Variants in ARMC9 observed in about 807,000 individuals in gnomAD.
The protein encoded by ARMC9 is lisH domain-containing protein ARMC9.
ARMC9 carries 94 observed loss-of-function variants against 107.0 expected under a neutral mutation model. The observed-to-expected ratio is 0.88, with a 90% CI of 0.74 to 1.04. The LOEUF (loss-of-function observed/expected upper bound fraction) is 1.04, where lower values mean the gene tolerates loss of function less well. ARMC9 is among the 50% of genes least tolerant of loss of function. The pLI, the probability that ARMC9 is intolerant of heterozygous loss-of-function variation, is 0.00. For missense variants in ARMC9, 942 were observed against 1,030.1 expected (o/e 0.91, Z 1.17); for synonymous variants, 380 against 396.9 (o/e 0.96, Z 0.51).
At chr2:231,227,696 A>G (rs1292676803) in intron 7 of ARMC9, among the ~76,000 whole-genome samples, 2 of 152,370 alleles carry the variant, frequency 1.3e-5, no homozygotes, top group South Asian at 2.1e-4. Context: ...GAGTTGGCAG[A>G]TAAGCAATGG....
At chr2:231,216,841 G>C (rs1420335796) in intron 5 of ARMC9, 48 bp downstream of exon 5, 15 of 1,565,624 alleles carry the variant, frequency 9.6e-6, no homozygotes, top group Non-Finnish European at 1.3e-5. Context: ...GTGACATTGT[G>C]GTTTTACCTT....
At chr2:231,361,583 G>T (rs2045588119) in intron 23 of ARMC9, among the ~76,000 whole-genome samples, 1 of 151,770 alleles carries the variant, frequency 6.6e-6, no homozygotes, top group Admixed American at 6.6e-5. Context: ...GGGTTCTTTA[G>T]GGTCTAGAAA....
At position 231,331,857 on chromosome 2, in the gene ARMC9, A is replaced by C; in HGVS notation, c.1838A>C (p.Glu613Ala). The change falls in exon 20 of 25, where the codon GAA (glutamate) becomes GCA (alanine). Residue 613 changes from glutamate to alanine, a missense_variant. Transcript: ENST00000611582. ...GAACTGATCCAGCCCCAGCTCGGAGAACTCTCAGGAGAGAAGCTTCTGACC... is the reference window on the plus strand; with the variant it reads ...GAACTGATCCAGCCCCAGCTCGGAGCACTCTCAGGAGAGAAGCTTCTGACC... ...KDELIQPQLGELSGEKLLTTE... is the reference protein window; with the variant it reads ...KDELIQPQLGALSGEKLLTTE... The C allele has an allele frequency of 6.2e-7, 1 of 1,613,990 alleles. No individual in the cohort carries two copies. The highest frequency in any genetic ancestry group is 8.5e-7 in the Non-Finnish European group (1 of 1,179,904).
At chr2:231,289,846 C>T (rs1348735509) in intron 17 of ARMC9, among the ~76,000 whole-genome samples, 1 of 152,206 alleles carries the variant, frequency 6.6e-6, no homozygotes, top group Non-Finnish European at 1.5e-5. Flanking sequence ...TCTATCCTAA[C>T]CCTCTGCTCT....
At position 231,240,049 on chromosome 2, in the gene ARMC9, T is replaced by C. The variant is rs1228977010; in HGVS notation, c.879+8T>C. 4 of 1,610,344 alleles carry C rather than the reference T, an allele frequency of 2.5e-6. No homozygotes were observed. In the South Asian group the frequency reaches 4.4e-5, roughly 18 times the overall value. ...TTCACGAGGCCTGGGACGGTGAGGC[T>C]CTGCGCTCAGGGCAGGGTGCCCGTG... On this transcript the variant is annotated splice_region_variant and intron_variant, in intron 9 of 24. Coordinates refer to ENST00000611582, the MANE Select transcript of ARMC9 (RefSeq NM_001352754.2).
At chr2:231,315,698 T>C (rs2042630779) in intron 19 of ARMC9, among the ~76,000 whole-genome samples, 2 of 151,084 alleles carry the variant, frequency 1.3e-5, no homozygotes, top group Non-Finnish European at 2.9e-5. Flanking sequence ...TCTTCAACTT[T>C]GTTTTCTTTT....
intron 12 of ARMC9, among the ~76,000 whole-genome samples, chr2:231,267,877 C>A (rs1489356217): frequency 6.6e-6 from 1 of 152,110 alleles, no homozygotes; most frequent in East Asian, 1.9e-4. Context: ...AGATAAGCCC[C>A]AACCAAAACG....
At chr2:231,259,157 T>A in intron 11 of ARMC9, 55 bp downstream of exon 11, 1 of 1,444,292 alleles carries the variant, frequency 6.9e-7, no homozygotes, top group Admixed American at 1.8e-5. Flanking sequence ...GCTGGTTTTC[T>A]TGGCTGGCTA....
chr2:231,203,165 C>T (rs1251058778), intron 1 of ARMC9, among the ~76,000 whole-genome samples: 1 of 152,136 alleles, frequency 6.6e-6, no homozygotes, highest in Non-Finnish European at 1.5e-5. Context: ...TTCTTTGGTT[C>T]TTACAATACC....
chr2:231,369,863 G>A (rs2045949869), intron 23 of ARMC9, 90 bp from the exon 24 acceptor site: 4 of 1,297,510 alleles, frequency 3.1e-6, no homozygotes, highest in Non-Finnish European at 4.0e-6. Flanking sequence ...CAGAGTGCTG[G>A]GATTATAGGC....
chr2:231,235,127 A>C, intron 7 of ARMC9, 97 bp from the exon 8 acceptor site: 1 of 1,322,512 alleles, frequency 7.6e-7, no homozygotes, highest in South Asian at 1.5e-5. Flanking sequence ...ACAAGAAAAC[A>C]TTCTGGCAAT....
intron 1 of ARMC9, among the ~76,000 whole-genome samples, chr2:231,201,130 G>A (rs937809021): frequency 3.3e-5 from 5 of 152,172 alleles, no homozygotes; most frequent in African/African-American, 9.7e-5. Flanking sequence ...GAAAAAGGCT[G>A]GAGAGGTGGG....
chr2:231,360,837 C>T lies in ARMC9; in HGVS notation c.2215C>T (p.Gln739Ter). ...CCCAGCCCCCACGGGGACCCCCCGC[C>T]AGCCAAGGGAGGCGCCCCAGGACCC... ...PRPAPTGTPR[Q>*]PREAPQDPGN... The change falls in exon 23 of 25, where the codon CAG (glutamine) becomes TAG (stop). Residue 739 changes from glutamine to a stop codon, truncating the protein, a stop_gained. Coordinates refer to ENST00000611582, the MANE Select transcript of ARMC9 (RefSeq NM_001352754.2). LOFTEE classifies it high-confidence loss of function. This position sits in a 1 kb window ranked among gnomAD's most constrained non-coding sequence, Gnocchi z 4.7. 6.5e-7 allele frequency: 1 copy of T among 1,535,872 alleles called. No homozygotes were observed. The highest frequency in any genetic ancestry group is 8.7e-7 in the Non-Finnish European group (1 of 1,146,802).
intron 14 of ARMC9, among the ~76,000 whole-genome samples, chr2:231,274,110 C>G (rs2039566742): frequency 6.6e-6 from 1 of 152,124 alleles, no homozygotes; most frequent in African/African-American, 2.4e-5. Context: ...TCCATTATGG[C>G]TACATCATAT....
chr2:231,360,725 TG>T lies in ARMC9; in HGVS notation c.2132-27del. 6.5e-7 allele frequency: 1 copy of T among 1,536,130 alleles called. No individual in the cohort carries two copies. The highest frequency in any genetic ancestry group is 8.7e-7 in the Non-Finnish European group (1 of 1,146,912). On this transcript the variant is annotated intron_variant, in intron 22 of 24. Coordinates refer to ENST00000611582, the MANE Select transcript of ARMC9 (RefSeq NM_001352754.2). This position sits in a 1 kb window ranked among gnomAD's most constrained non-coding sequence, Gnocchi z 4.7. The stretch of plus-strand genomic sequence containing the variant: ...CCTTAGAGGGGCTCCAGAGCAGATG[TG>T]GACTGAACTTTCTCTCCTCCTCCCC...
intron 2 of ARMC9, among the ~76,000 whole-genome samples, chr2:231,207,036 G>A (rs757035768): frequency 2.0e-5 from 3 of 152,190 alleles, no homozygotes; most frequent in Non-Finnish European, 4.4e-5. Flanking sequence ...ACAAGGTCTT[G>A]TTCTGCCGCC....
At chr2:231,270,090 G>A (rs1016935589) in intron 12 of ARMC9, among the ~76,000 whole-genome samples, 11 of 152,156 alleles carry the variant, frequency 7.2e-5, no homozygotes, top group African/African-American at 2.2e-4. Flanking sequence ...TTCCCCGTGG[G>A]CTGGTCATTT....
intron 8 of ARMC9, among the ~76,000 whole-genome samples, chr2:231,239,606 T>TC (rs1375589164): frequency 2.0e-5 from 3 of 152,326 alleles, no homozygotes; most frequent in African/African-American, 7.2e-5. Context: ...ATTATGGTTG[T>TC]CCAGTGACTT....
chr2:231,339,112 G>A (rs1368178074), intron 20 of ARMC9, among the ~76,000 whole-genome samples: 1 of 150,008 alleles, frequency 6.7e-6, no homozygotes, highest in Admixed American at 6.7e-5. Flanking sequence ...GGCAGATCAC[G>A]AGGTCAGGAG....
Sources: gnomAD v4.1 joint callset for allele counts (sites outside exome capture counted in the v4.1 genomes callset) on GRCh38, gnomAD v4.1.1 for gene constraint, Gnocchi (gnomAD v3.1) non-coding constraint, MANE v1.5 for transcripts, NCBI Gene and HGNC (gene_info 2026-07-23, HGNC 2026-07-21) for gene names.